DTWD2: variants seen among roughly 807,000 people sequenced by gnomAD.
DTWD2 encodes tRNA-uridine aminocarboxypropyltransferase 2.
Under a neutral mutation model 31.8 loss-of-function variants are expected in DTWD2, and 39 were observed. The observed-to-expected ratio is 1.22, with a 90% CI of 0.95 to 1.60. The LOEUF (loss-of-function observed/expected upper bound fraction) is 1.60, where lower values mean the gene tolerates loss of function less well. Among genes scored for constraint, DTWD2 ranks in the 40% most tolerant of loss-of-function variants. The pLI is 0.00. For missense variants in DTWD2, 515 were observed against 381.5 expected (o/e 1.35, Z -2.92); for synonymous variants, 180 against 142.8 (o/e 1.26, Z -1.86).
intron 1 of DTWD2, among the ~76,000 whole-genome samples, chr5:118,950,213 CAAA>C (rs764214153): frequency 1.0e-4 from 5 of 49,606 alleles, no homozygotes; most frequent in African/African-American, 7.8e-5. Flanking sequence ...ACTCCATCTC[CAAA>C]AAAAAAAAAA....
chr5:118,875,795 C>T (rs1415654067), intron 4 of DTWD2, among the ~76,000 whole-genome samples: 2 of 152,062 alleles, frequency 1.3e-5, no homozygotes, highest in East Asian at 3.9e-4. Context: ...GACAATCTTA[C>T]ACAGATCAAG....
chr5:118,857,798 G>A (rs1280164654), intron 4 of DTWD2, among the ~76,000 whole-genome samples: 2 of 152,194 alleles, frequency 1.3e-5, no homozygotes, highest in Non-Finnish European at 2.9e-5. Context: ...GATTCACACA[G>A]TATTGAGTGA....
chr5:118,961,898 T>G (rs1292131790), intron 1 of DTWD2, among the ~76,000 whole-genome samples: 1 of 152,210 alleles, frequency 6.6e-6, no homozygotes, highest in East Asian at 1.9e-4. Flanking sequence ...CATTACTACA[T>G]AAGAGCATAT....
intron 4 of DTWD2, among the ~76,000 whole-genome samples, chr5:118,918,945 C>T (rs907447173): frequency 3.3e-5 from 5 of 152,108 alleles, no homozygotes; most frequent in African/African-American, 9.7e-5. Flanking sequence ...ACATCAAAAA[C>T]GGAGATTTTA....
intron 1 of DTWD2, among the ~76,000 whole-genome samples, chr5:118,963,900 T>C (rs887133769): frequency 6.6e-6 from 1 of 152,102 alleles, no homozygotes; most frequent in Non-Finnish European, 1.5e-5. Context: ...AGTACCTAAC[T>C]TGGTGAAAGA....
At chr5:118,978,254 C>T (rs960988180) in intron 1 of DTWD2, among the ~76,000 whole-genome samples, 2 of 152,102 alleles carry the variant, frequency 1.3e-5, no homozygotes, top group African/African-American at 4.8e-5. Context: ...AAATGTAAAA[C>T]CCAAAACTAG....
chr5:118,977,913 A>C (rs1015528049), intron 1 of DTWD2, among the ~76,000 whole-genome samples: 16 of 152,128 alleles, frequency 1.1e-4, no homozygotes, highest in Admixed American at 9.8e-4. Flanking sequence ...GAGAGGCATT[A>C]CACTACCTGA....
rs187201738 is a variant in DTWD2, at chr5:118,988,418, G to C, written c.94C>G (p.Arg32Gly). 7,096 of 1,604,958 alleles carry C rather than the reference G, an allele frequency of 4.4e-3. 166 individuals carry two copies. The highest frequency in any genetic ancestry group is 0.036 in the Admixed American group (2,163 of 59,436). The change falls in exon 1 of 6, where the codon CGG becomes GGG. Residue 32 changes from arginine to glycine, a missense_variant. By Grantham distance (125) the Arg-to-Gly change is moderately radical. Transcript: ENST00000510708. ...SSQTPNDKERREGGAVPAAAA... is the reference protein window; with the variant it reads ...SSQTPNDKERGEGGAVPAAAA... ...GCCGCCGGCACTGCGCCGCCCTCCCGCCGCTCCTTGTCGTTCGGCGTCTGA... is the reference window on the plus strand; with the variant it reads ...GCCGCCGGCACTGCGCCGCCCTCCCCCCGCTCCTTGTCGTTCGGCGTCTGA...
chr5:118,910,694 G>A (rs1753439833), intron 4 of DTWD2, among the ~76,000 whole-genome samples: 1 of 152,058 alleles, frequency 6.6e-6, no homozygotes, highest in Non-Finnish European at 1.5e-5. Context: ...CCACTTCTCA[G>A]CACCAATTTT....
intron 1 of DTWD2, among the ~76,000 whole-genome samples, chr5:118,987,315 T>C (rs776033511): frequency 2.0e-5 from 3 of 152,144 alleles, no homozygotes; most frequent in Non-Finnish European, 4.4e-5. Context: ...ATTTAGAAAA[T>C]ATAAAAACAT....
intron 4 of DTWD2, among the ~76,000 whole-genome samples, chr5:118,923,013 G>A (rs926626440): frequency 6.6e-6 from 1 of 151,512 alleles, no homozygotes; most frequent in Admixed American, 6.6e-5. Flanking sequence ...GGTATATACT[G>A]CCAGGTAGGC....
At chr5:118,931,029 T>C (rs991231333) in intron 3 of DTWD2, among the ~76,000 whole-genome samples, 20 of 151,944 alleles carry the variant, frequency 1.3e-4, no homozygotes, top group Non-Finnish European at 2.6e-4. Flanking sequence ...AGTTAAATGG[T>C]ATGTGAATTA....
intron 4 of DTWD2, among the ~76,000 whole-genome samples, chr5:118,903,198 GCCTACAA>G (rs1184229625): frequency 6.7e-6 from 1 of 148,932 alleles, no homozygotes; most frequent in African/African-American, 2.5e-5. Context: ...TGACAATATT[GCCTACAA>G]GGTTTCTCTG....
At chr5:118,943,840 A>C (rs1754265124) in intron 2 of DTWD2, among the ~76,000 whole-genome samples, 1 of 152,368 alleles carries the variant, frequency 6.6e-6, no homozygotes, top group Admixed American at 6.5e-5. Context: ...TGAGAAATTT[A>C]AAAAATAATT....
intron 3 of DTWD2, among the ~76,000 whole-genome samples, chr5:118,935,576 C>T (rs1466254655): frequency 1.3e-5 from 2 of 152,090 alleles, no homozygotes; most frequent in African/African-American, 2.4e-5. Context: ...TTGGGGGTCT[C>T]GGAAGTTTTC....
intron 4 of DTWD2, among the ~76,000 whole-genome samples, chr5:118,850,972 T>C (rs1422588663): frequency 6.6e-6 from 1 of 151,910 alleles, no homozygotes; most frequent in African/African-American, 2.4e-5. Context: ...TGGGGCTGGG[T>C]GCAGTGGCTC....
intron 4 of DTWD2, among the ~76,000 whole-genome samples, chr5:118,921,253 A>G (rs1753696247): frequency 6.6e-6 from 1 of 152,144 alleles, no homozygotes. Context: ...ATGCAAAGGT[A>G]AAAAAGTAAA....
At chr5:118,933,882 A>G (rs1477454727) in intron 3 of DTWD2, among the ~76,000 whole-genome samples, 4 of 98,204 alleles carry the variant, frequency 4.1e-5, no homozygotes, top group Non-Finnish European at 7.4e-5. Context: ...ACTGACCTAA[A>G]TAAATAAATA....
At position 118,848,163 on chromosome 5, in the gene DTWD2, T is replaced by C; in HGVS notation, c.653A>G (p.Asn218Ser). 1 of 1,607,564 alleles carries C rather than the reference T, an allele frequency of 6.2e-7. No individual in the cohort carries two copies. Among genetic ancestry groups the C allele is most frequent in the Non-Finnish European group, 8.5e-7 (1 of 1,177,160 alleles). The change falls in exon 5 of 6, where the codon AAT becomes AGT. Residue 218 changes from asparagine (N) to serine (S), a missense_variant. Asn to Ser is a conservative substitution (Grantham distance 46). Transcript: ENST00000510708. ...ACACTCCAGTGTAGAAAGGCATCTATTAGTCGGCTGCATCCGAATTACATA... is the reference window on the plus strand; with the variant it reads ...ACACTCCAGTGTAGAAAGGCATCTACTAGTCGGCTGCATCCGAATTACATA... ...SQYVIRMQPT[N>S]RCLSTLECAA...
Sources: allele counts gnomAD v4.1 joint callset (sites outside exome capture counted in the v4.1 genomes callset), GRCh38; gene constraint gnomAD v4.1.1; transcripts MANE v1.5; gene names NCBI Gene and HGNC (gene_info 2026-07-23, HGNC 2026-07-21).